The following CORIN variants were observed in gnomAD, a reference collection of about 807,000 sequenced individuals.
CORIN encodes corin, serine peptidase, also known as atrial natriuretic peptide-converting enzyme.
CORIN carries 117 observed loss-of-function variants against 125.3 expected under a neutral mutation model. The ratio of observed to expected loss-of-function variants is 0.93; its 90% confidence interval spans 0.80 to 1.09. The LOEUF (loss-of-function observed/expected upper bound fraction) is 1.09. CORIN is among the 50% of genes least tolerant of loss of function. CORIN has a pLI of 0.00. For missense variants in CORIN, 1,253 were observed against 1,306.7 expected, an observed-to-expected ratio of 0.96 and a Z score of 0.63; for synonymous variants, 450 against 466.4, an observed-to-expected ratio of 0.96 and a Z score of 0.45.
intron 1 of CORIN, among the ~76,000 whole-genome samples, chr4:47,821,757 T>C (rs1732525046): frequency 1.3e-5 from 2 of 152,156 alleles, no homozygotes. Context: ...AAACCAAACA[T>C]AGAAATGATA....
rs1729919899 is a variant in CORIN at position 47,769,466 on chromosome 4, A to G, written c.410-5880T>C. On this transcript the variant is annotated intron_variant, in intron 3 of 21. Coordinates refer to ENST00000273857, the MANE Select transcript of CORIN (RefSeq NM_006587.4). Reference sequence around the variant, plus strand: ...ATTCATACTACCCAAAGTGATCTACAGATTCAGTGCAATCCCTATTATAAT... The same window carrying G: ...ATTCATACTACCCAAAGTGATCTACGGATTCAGTGCAATCCCTATTATAAT... Among the ~76,000 whole-genome samples, 6 of 152,126 alleles carry G rather than the reference A, an allele frequency of 3.9e-5. No homozygotes were observed. The South Asian group carries it at 1.2e-3, about 32-fold the overall frequency.
intron 16 of CORIN, among the ~76,000 whole-genome samples, chr4:47,629,516 C>T (rs919690536): frequency 1.3e-5 from 2 of 151,956 alleles, no homozygotes; most frequent in Admixed American, 6.6e-5. Context: ...AAAAATATAT[C>T]GACAATTATA....
At chr4:47,603,939 T>C (rs933723808) in intron 19 of CORIN, among the ~76,000 whole-genome samples, 4 of 152,192 alleles carry the variant, frequency 2.6e-5, no homozygotes, top group African/African-American at 9.7e-5. Context: ...GTTAGTTACT[T>C]GCTTCACAGA....
Position 47,595,677 on chromosome 4 carries a change from T to G in CORIN, c.*44A>C, listed in dbSNP as rs756772633. The G allele has an allele frequency of 6.6e-7, 1 of 1,509,616 alleles. No individual in the cohort carries two copies. Among genetic ancestry groups the G allele is most frequent in the Admixed American group, 2.0e-5 (1 of 49,036 alleles). The allele number at this position is 1,509,616 out of a possible 1,614,324, so 93.5% of individuals were successfully genotyped here. A position where few individuals can be genotyped will look rare whatever the true frequency, so the allele number is the denominator to read the frequency against. ...AGCTCTTCACAGTCAAGAAGGCCAT[T>G]TTCTTTTAGTGTAGCTGGCAAAAGT... On this transcript the variant is annotated 3_prime_UTR_variant, in exon 22 of 22. Transcript: ENST00000273857.
intron 21 of CORIN, among the ~76,000 whole-genome samples, chr4:47,597,102 A>C (rs1464360371): frequency 6.6e-6 from 1 of 152,190 alleles, no homozygotes; most frequent in African/African-American, 2.4e-5. Context: ...CTGTAATCCC[A>C]GCACTTTGGG....
In CORIN at chr4:47,763,451, C is replaced by G. The variant is rs1729564286; in HGVS notation, c.545G>C (p.Ser182Thr). The change falls in exon 4 of 22, where the codon AGT becomes ACT. Residue 182 changes from serine (S) to threonine (T), a missense_variant. Coordinates refer to ENST00000273857, the MANE Select transcript of CORIN (RefSeq NM_006587.4). The part of the protein sequence containing the change: ...LKFFTYLHRL[S>T]CYQHIMLFGC... Reference sequence around the variant, plus strand: ...AAACAGCATGATATGTTGATAGCAACTGAGGCGATGGAGATATGTGAAAAA... The same window carrying G: ...AAACAGCATGATATGTTGATAGCAAGTGAGGCGATGGAGATATGTGAAAAA... 6.2e-7 allele frequency: 1 copy of G among 1,613,952 alleles called. No individual in the cohort carries two copies. Among genetic ancestry groups the G allele is most frequent in the African/African-American group, 1.3e-5 (1 of 74,890 alleles).
At chr4:47,825,405 C>A (rs1019958326) in intron 1 of CORIN, among the ~76,000 whole-genome samples, 2 of 152,192 alleles carry the variant, frequency 1.3e-5, no homozygotes, top group African/African-American at 4.8e-5. Context: ...CACATGAATT[C>A]TTGGGTCTCA....
At chr4:47,662,966 T>C (rs907755158) in intron 11 of CORIN, among the ~76,000 whole-genome samples, 3 of 152,214 alleles carry the variant, frequency 2.0e-5, no homozygotes, top group Non-Finnish European at 4.4e-5. Flanking sequence ...GATGGAAAGT[T>C]CAATAGTTGA....
chr4:47,765,153 T>C (rs145271579), intron 3 of CORIN, among the ~76,000 whole-genome samples: 2,375 of 151,676 alleles, frequency 0.016, 64 homozygotes, highest in African/African-American at 0.055. Context: ...CTACTAAAAA[T>C]ACAAAAAATT....
chr4:47,599,200 G>A (rs1412985656), intron 21 of CORIN, among the ~76,000 whole-genome samples: 1 of 152,234 alleles, frequency 6.6e-6, no homozygotes, highest in African/African-American at 2.4e-5. Flanking sequence ...CACCATCCAC[G>A]TCAGCAGGAT....
chr4:47,623,476 G>T, intron 19 of CORIN, 95 bp downstream of exon 19: 2 of 1,326,698 alleles, frequency 1.5e-6, no homozygotes, highest in South Asian at 1.4e-5. Context: ...CTTTCGCCTG[G>T]ATGTGGCTTC....
At chr4:47,645,312 A>T in intron 13 of CORIN, 118 bp from the exon 14 acceptor site, 1 of 587,272 alleles carries the variant, frequency 1.7e-6, no homozygotes, top group Non-Finnish European at 3.0e-6. Flanking sequence ...GCAGTGGCTC[A>T]TGCCTGTAAT....
chr4:47,680,336 G>C, intron 7 of CORIN, 85 bp from the exon 8 acceptor site: 6 of 924,254 alleles, frequency 6.5e-6, no homozygotes, highest in Non-Finnish European at 1.0e-5. Context: ...CCATCGAAGA[G>C]AGTCTGTTCC....
At position 47,643,852 on chromosome 4, in the gene CORIN, T is replaced by A. The variant is rs531740569; in HGVS notation, c.1958-596A>T. 4.6e-5 allele frequency among the ~76,000 whole-genome samples: 7 copies of A among 152,328 alleles called. No homozygotes were observed. In the South Asian group the frequency reaches 6.2e-4, roughly 14 times the overall value. ...CTTCCAAAGGAAGATCCTGATTAGTTTAAGCTGGGCATGGCATTTTTCTGT... is the reference window on the plus strand; with the variant it reads ...CTTCCAAAGGAAGATCCTGATTAGTATAAGCTGGGCATGGCATTTTTCTGT... On this transcript the variant is annotated intron_variant, in intron 14 of 21. Transcript: ENST00000273857.
At chr4:47,638,274 C>T (rs1297294695) in intron 16 of CORIN, among the ~76,000 whole-genome samples, 3 of 152,072 alleles carry the variant, frequency 2.0e-5, no homozygotes, top group Non-Finnish European at 4.4e-5. Flanking sequence ...TTAGATGAGA[C>T]GTTGGACTGT....
chr4:47,742,042 G>C (rs1728426434), intron 5 of CORIN, among the ~76,000 whole-genome samples: 1 of 151,896 alleles, frequency 6.6e-6, no homozygotes, highest in Admixed American at 6.6e-5. Flanking sequence ...ACTTTAAAGA[G>C]ATGAATTTTA....
intron 3 of CORIN, among the ~76,000 whole-genome samples, chr4:47,786,346 C>T (rs1195880923): frequency 1.3e-5 from 2 of 151,980 alleles, no homozygotes; most frequent in Non-Finnish European, 2.9e-5. Context: ...ACCAGCCTGG[C>T]CAATATGGTG....
chr4:47,819,803 C>T (rs776542079), intron 1 of CORIN, among the ~76,000 whole-genome samples: 2 of 152,186 alleles, frequency 1.3e-5, no homozygotes, highest in Admixed American at 1.3e-4. Flanking sequence ...ATTCTAGTCC[C>T]TGCTTTCCTG....
intron 3 of CORIN, among the ~76,000 whole-genome samples, chr4:47,785,383 C>G (rs920515789): frequency 1.5e-4 from 23 of 152,194 alleles, no homozygotes; most frequent in African/African-American, 5.1e-4. Flanking sequence ...TCTGTCACCT[C>G]TCACCAACTC....
Sources: allele counts gnomAD v4.1 joint callset (sites outside exome capture counted in the v4.1 genomes callset), GRCh38; gene constraint gnomAD v4.1.1; transcripts MANE v1.5; gene names NCBI Gene and HGNC (gene_info 2026-07-23, HGNC 2026-07-21).